Variants in PLXDC2 observed in about 807,000 individuals in gnomAD.
PLXDC2 encodes plexin domain-containing protein 2.
In PLXDC2, 40 loss-of-function variants were observed where a neutral mutation model predicts 68.9. The observed-to-expected ratio is 0.58, with a 90% CI of 0.45 to 0.76. The LOEUF is 0.76. Ranked by LOEUF, PLXDC2 falls within the 30% of genes least tolerant of loss-of-function variation. The pLI, the probability that PLXDC2 is intolerant of heterozygous loss-of-function variation, is 0.00. For synonymous variants in PLXDC2, 243 were observed against 234.2 expected (o/e 1.04, Z -0.34); for missense variants, 644 against 661.9 (o/e 0.97, Z 0.30).
At chr10:20,174,989 T>A (rs34709475) in intron 7 of PLXDC2, among the ~76,000 whole-genome samples, 47,420 of 151,884 alleles carry the variant, frequency 0.31, 9,741 homozygotes, top group Non-Finnish European at 0.47. Flanking sequence ...GGTGTAATGA[T>A]TTCAATATAA....
At chr10:20,159,172 G>T (rs1041980577) in intron 6 of PLXDC2, among the ~76,000 whole-genome samples, 1 of 152,088 alleles carries the variant, frequency 6.6e-6, no homozygotes, top group Admixed American at 6.6e-5. Flanking sequence ...AATGTTTCAG[G>T]ACTGGTCTTG....
At chr10:20,006,194 A>G (rs1245568885) in intron 2 of PLXDC2, among the ~76,000 whole-genome samples, 2 of 152,120 alleles carry the variant, frequency 1.3e-5, no homozygotes, top group Non-Finnish European at 2.9e-5. Context: ...AAAAAAAGGT[A>G]AAAAAGGCAT....
At position 20,115,561 on chromosome 10, in the gene PLXDC2, G is replaced by T. The variant is rs1833610633; in HGVS notation, c.542-27734G>T. On this transcript the variant is annotated intron_variant, in intron 4 of 13. Coordinates refer to ENST00000377252, the MANE Select transcript of PLXDC2 (RefSeq NM_032812.9). ...CTTTCCTGAGAGAGGATTTAAATAGGCAGGAGAGAATTAATAGTCATACTT... is the reference window on the plus strand; with the variant it reads ...CTTTCCTGAGAGAGGATTTAAATAGTCAGGAGAGAATTAATAGTCATACTT... 2.0e-5 allele frequency among the ~76,000 whole-genome samples: 3 copies of T among 152,124 alleles called. No homozygotes were observed. In the South Asian group the frequency reaches 6.2e-4, roughly 32 times the overall value.
chr10:20,151,991 C>A (rs1266864873), intron 6 of PLXDC2, among the ~76,000 whole-genome samples: 6 of 152,030 alleles, frequency 3.9e-5, no homozygotes, highest in African/African-American at 1.4e-4. Flanking sequence ...TTAAATTTTA[C>A]ATTAAAATTA....
intron 13 of PLXDC2, among the ~76,000 whole-genome samples, chr10:20,265,488 A>C (rs1387374989): frequency 6.6e-6 from 1 of 152,208 alleles, no homozygotes; most frequent in African/African-American, 2.4e-5. Context: ...GTGTTACTCC[A>C]TCTATATTTA....
intron 4 of PLXDC2, among the ~76,000 whole-genome samples, chr10:20,121,161 G>T (rs1833692123): frequency 6.6e-6 from 1 of 152,192 alleles, no homozygotes; most frequent in Admixed American, 6.5e-5. Flanking sequence ...GAAGAAAATA[G>T]ATTTTGGAAG....
intron 9 of PLXDC2, among the ~76,000 whole-genome samples, chr10:20,207,802 C>T (rs75663357): frequency 0.028 from 4,195 of 152,208 alleles, 76 homozygotes; most frequent in Middle Eastern, 0.068. Context: ...CACACTTAAG[C>T]TTGTTCAACA....
chr10:20,245,657 A>G, intron 13 of PLXDC2, 152 bp downstream of exon 13: 1 of 808,638 alleles, frequency 1.2e-6, no homozygotes, highest in South Asian at 2.1e-5. Context: ...TCCCCCATGC[A>G]CTCACGTACA....
At chr10:20,196,635 T>C (rs1291473589) in intron 9 of PLXDC2, among the ~76,000 whole-genome samples, 2 of 152,166 alleles carry the variant, frequency 1.3e-5, no homozygotes, top group Admixed American at 1.3e-4. Flanking sequence ...CCAGCCCCAG[T>C]TTTATGCATG....
At chr10:19,966,182 A>G (rs1834245723) in intron 1 of PLXDC2, among the ~76,000 whole-genome samples, 1 of 146,934 alleles carries the variant, frequency 6.8e-6, no homozygotes, top group South Asian at 2.1e-4. Context: ...GTGTATATAT[A>G]GTATATATGT....
chr10:19,959,024 GA>G (rs1834114968), intron 1 of PLXDC2, among the ~76,000 whole-genome samples: 1 of 152,310 alleles, frequency 6.6e-6, no homozygotes, highest in South Asian at 2.1e-4. Context: ...AGTTGAAACA[GA>G]AAGCAACATA....
rs950455290 is a variant in PLXDC2, at chr10:20,283,950, C to G, written c.*4131C>G. On this transcript the variant is annotated 3_prime_UTR_variant, in exon 14 of 14. Coordinates refer to ENST00000377252, the MANE Select transcript of PLXDC2 (RefSeq NM_032812.9). ...ATATTCTAAGGTTAGTATCATTTATCAGTTTTTCGCAACAGATTCTTATGT... is the reference window on the plus strand; with the variant it reads ...ATATTCTAAGGTTAGTATCATTTATGAGTTTTTCGCAACAGATTCTTATGT... The G allele has an allele frequency of 2.0e-5, 3 of 152,098 alleles. No homozygotes were observed. Among genetic ancestry groups the G allele is most frequent in the African/African-American group, 7.2e-5 (3 of 41,416 alleles). The allele number at this position is 152,098 out of a possible 1,614,324, so 9.4% of individuals were successfully genotyped here. A position where few individuals can be genotyped will look rare whatever the true frequency, so the allele number is the denominator to read the frequency against.
rs73601629 is a variant in PLXDC2, at chr10:19,893,740, G to A, written c.112+76549G>A. ...TATTGTAAGTGAAATTCTGTCATAA[G>A]TGAAACAATCCTTTACAGCCTTTTT... On this transcript the variant is annotated intron_variant, in intron 1 of 13. Coordinates refer to ENST00000377252, the MANE Select transcript of PLXDC2 (RefSeq NM_032812.9). 5.0e-3 allele frequency among the ~76,000 whole-genome samples: 765 copies of A among 152,318 alleles called. 3 individuals are homozygous for A. The highest frequency in any genetic ancestry group is 0.017 in the African/African-American group (713 of 41,572).
chr10:20,052,207 T>C (rs553804172), intron 3 of PLXDC2, among the ~76,000 whole-genome samples: 1 of 152,236 alleles, frequency 6.6e-6, no homozygotes, highest in East Asian at 1.9e-4. Flanking sequence ...TGCTAGAATA[T>C]TTTTTAAATT....
intron 13 of PLXDC2, among the ~76,000 whole-genome samples, chr10:20,274,374 A>G (rs1835977602): frequency 2.0e-5 from 3 of 152,190 alleles, no homozygotes; most frequent in Admixed American, 6.5e-5. Flanking sequence ...TGTTAACCCT[A>G]GAAGAGAGCT....
chr10:20,156,884 T>C (rs1230319224), intron 6 of PLXDC2, among the ~76,000 whole-genome samples: 1 of 152,210 alleles, frequency 6.6e-6, no homozygotes, highest in African/African-American at 2.4e-5. Context: ...CAAGTGTAGT[T>C]TACAGACAAC....
At chr10:19,946,421 C>T (rs984371006) in intron 1 of PLXDC2, among the ~76,000 whole-genome samples, 3 of 152,016 alleles carry the variant, frequency 2.0e-5, no homozygotes, top group East Asian at 1.9e-4. Context: ...ACCCCCTGAC[C>T]GATGATGTCC....
Position 20,046,740 on chromosome 10 carries a change from C to G in PLXDC2, c.325-129C>G. The stretch of plus-strand genomic sequence containing the variant: ...CTTATTTAATCCAAATTCACTTCTC[C>G]TAGAGTATAGTTAAATCATTTTGCT... On this transcript the variant is annotated intron_variant, in intron 2 of 13. Transcript: ENST00000377252. The G allele has an allele frequency of 3.4e-6, 3 of 890,204 alleles. No individual in the cohort carries two copies. In the East Asian group the frequency reaches 7.9e-5, roughly 23 times the overall value. The allele number at this position is 890,204 out of a possible 1,614,324, so 55.1% of individuals were successfully genotyped here. A position where few individuals can be genotyped will look rare whatever the true frequency, so the allele number is the denominator to read the frequency against.
intron 4 of PLXDC2, among the ~76,000 whole-genome samples, chr10:20,128,374 A>G (rs1338884933): frequency 2.6e-5 from 4 of 152,206 alleles, no homozygotes; most frequent in Non-Finnish European, 4.4e-5. Flanking sequence ...TCACTGAGAT[A>G]TAATTGGCAA....
Sources: allele counts gnomAD v4.1 joint callset (sites outside exome capture counted in the v4.1 genomes callset), GRCh38; gene constraint gnomAD v4.1.1; transcripts MANE v1.5; gene names NCBI Gene and HGNC (gene_info 2026-07-23, HGNC 2026-07-21).